The following NTNG2 variants were observed in gnomAD, a reference collection of about 807,000 sequenced individuals.
The protein encoded by NTNG2 is netrin-G2.
Under a neutral mutation model 47.6 loss-of-function variants are expected in NTNG2, and 15 were observed. The ratio of observed to expected loss-of-function variants is 0.32; its 90% CI spans 0.21 to 0.49. The LOEUF (loss-of-function observed/expected upper bound fraction) is 0.49, where lower values mean the gene tolerates loss of function less well. Ranked by LOEUF, NTNG2 falls within the 20% of genes least tolerant of loss-of-function variation. The probability of loss-of-function intolerance (pLI) is 0.99; values close to 1 mark genes in which losing one functional copy is unlikely to be tolerated. For synonymous variants in NTNG2, 307 were observed against 324.6 expected (o/e 0.95, Z 0.58); for missense variants, 578 against 764.6 (o/e 0.76, Z 2.88).
intron 2 of NTNG2, among the ~76,000 whole-genome samples, chr9:132,169,394 G>A (rs1835729419): frequency 6.6e-6 from 1 of 152,218 alleles, no homozygotes; most frequent in Non-Finnish European, 1.5e-5. Context: ...GGTGGTTTTT[G>A]GAGGGGGTGG....
At position 132,236,131 on chromosome 9, in the gene NTNG2, G is replaced by T. The variant is rs888353145; in HGVS notation, c.1055-2973G>T. Among the ~76,000 whole-genome samples, 2 of 152,242 alleles carry T rather than the reference G, an allele frequency of 1.3e-5. No homozygotes were observed. The highest frequency in any genetic ancestry group is 4.8e-5 in the African/African-American group (2 of 41,458). ...GCAGTTGCTGGATCAGAGAGTCAGA[G>T]GGGGCTTCCTGCAGGAGCGGGGGCC... On this transcript the variant is annotated intron_variant, in intron 5 of 7. Coordinates refer to ENST00000393229, the MANE Select transcript of NTNG2 (RefSeq NM_032536.4). The surrounding 1 kb of genome is among the most constrained non-coding windows in gnomAD (Gnocchi z 4.3).
Position 132,196,029 on chromosome 9 carries a change from C to T in NTNG2, c.214-1937C>T, listed in dbSNP as rs569228555. 2.6e-5 allele frequency among the ~76,000 whole-genome samples: 4 copies of T among 152,202 alleles called. No individual in the cohort carries two copies. In the South Asian group the frequency reaches 8.3e-4, roughly 32 times the overall value. ...CAAGTGACCCTCCTGCCTCGGCCTC[C>T]CGGAGTGTTGGAATTCCAGGTGTGA... is the stretch of plus-strand genomic sequence containing the variant. On this transcript the variant is annotated intron_variant, in intron 2 of 7. Transcript: ENST00000393229.
rs952646632 is a variant in NTNG2, at chr9:132,208,361, G to A, written c.857+9752G>A. ...CAGATCACGCCAGCCCTGCAGCCCC[G>A]GGAGGAAGTTGGTTTTGGTTGAAGT... On this transcript the variant is annotated intron_variant, in intron 3 of 7. Coordinates refer to ENST00000393229, the MANE Select transcript of NTNG2 (RefSeq NM_032536.4). This position sits in a 1 kb window ranked among gnomAD's most constrained non-coding sequence, Gnocchi z 4.0. Among the ~76,000 whole-genome samples the A allele has an allele frequency of 1.3e-5, 2 of 152,138 alleles. No homozygotes were observed. Among genetic ancestry groups the A allele is most frequent in the Non-Finnish European group, 2.9e-5 (2 of 68,018 alleles).
At position 132,162,142 on chromosome 9, in the gene NTNG2, C is replaced by G. The variant is rs972214729; in HGVS notation, c.-581C>G. On this transcript the variant is annotated 5_prime_UTR_variant, in exon 1 of 8. Coordinates refer to ENST00000393229, the MANE Select transcript of NTNG2 (RefSeq NM_032536.4). This position sits in a 1 kb window ranked among gnomAD's most constrained non-coding sequence, Gnocchi z 4.6. Reference sequence around the variant, plus strand: ...CGGCTCGCAGCCCTCGGCCCGCGCCCCCACCCAGCGCCAGCCCGAGGGGGG... The same window carrying G: ...CGGCTCGCAGCCCTCGGCCCGCGCCGCCACCCAGCGCCAGCCCGAGGGGGG... 6.6e-6 allele frequency: 1 copy of G among 152,094 alleles called. No individual in the cohort carries two copies. Among genetic ancestry groups the G allele is most frequent in the Admixed American group, 6.6e-5 (1 of 15,206 alleles). 9.4% of individuals were successfully genotyped at this position (152,094 alleles called of 1,614,324 possible).
At chr9:132,223,851 G>A (rs1024183077) in intron 3 of NTNG2, among the ~76,000 whole-genome samples, 9 of 152,130 alleles carry the variant, frequency 5.9e-5, no homozygotes, top group Admixed American at 2.6e-4. Flanking sequence ...AGCAGGACAC[G>A]CCTAACCAGT....
chr9:132,220,642 CG>C (rs1840291353), intron 3 of NTNG2, among the ~76,000 whole-genome samples: 2 of 152,030 alleles, frequency 1.3e-5, no homozygotes, highest in South Asian at 4.1e-4. Context: ...TTAGTAGAGA[CG>C]GGGTTTCACC....
At chr9:132,214,685 G>T (rs1839844956) in intron 3 of NTNG2, among the ~76,000 whole-genome samples, 1 of 152,092 alleles carries the variant, frequency 6.6e-6, no homozygotes, top group Admixed American at 6.5e-5. Flanking sequence ...GAGCAGAGGG[G>T]CCAGACAGCC....
chr9:132,168,858 A>G (rs1835686452), intron 2 of NTNG2, among the ~76,000 whole-genome samples: 1 of 152,200 alleles, frequency 6.6e-6, no homozygotes, highest in African/African-American at 2.4e-5. Context: ...TCATAATTCT[A>G]GGACCAGCTT....
chr9:132,209,429 G>A (rs1839419190), intron 3 of NTNG2, among the ~76,000 whole-genome samples: 1 of 152,240 alleles, frequency 6.6e-6, no homozygotes, highest in South Asian at 2.1e-4. Context: ...CCGCCGTGGG[G>A]GCGTGCGAGA....
chr9:132,239,647 G>A (rs952049217), intron 6 of NTNG2, among the ~76,000 whole-genome samples: 3 of 152,144 alleles, frequency 2.0e-5, no homozygotes, highest in African/African-American at 7.2e-5. Context: ...GTGTGGGGGG[G>A]TCCCCCTCCA....
rs1554775835 is a variant in NTNG2, at chr9:132,162,555, T to TGAGAGAGAGAGA, written c.-484+326_-484+327insGAGAGAGAGAGA. Among the ~76,000 whole-genome samples the TGAGAGAGAGAGA allele has an allele frequency of 2.2e-5, 3 of 139,374 alleles. No individual in the cohort carries two copies. Among genetic ancestry groups the TGAGAGAGAGAGA allele is most frequent in the African/African-American group, 5.4e-5 (2 of 36,752 alleles). 91.4% of individuals were successfully genotyped at this position (139,374 alleles called of 152,430 possible). ...GTGAGAGTGTGTGTGTGTGTGTGTG[T>TGAGAGAGAGAGA]GAGAGAGAGACAGAGTGTGTGTGTG... On this transcript the variant is annotated intron_variant, in intron 1 of 7. Coordinates refer to ENST00000393229, the MANE Select transcript of NTNG2 (RefSeq NM_032536.4). The surrounding 1 kb of genome is among the most constrained non-coding windows in gnomAD (Gnocchi z 4.6).
intron 5 of NTNG2, chr9:132,232,600 G>T (rs542330020): frequency 1.3e-5 from 2 of 152,376 alleles, no homozygotes; most frequent in African/African-American, 2.4e-5. Flanking sequence ...GGGTCTGAAA[G>T]GATTTATCCT....
rs1020584441 is a variant in NTNG2, at chr9:132,215,643, A to C, written c.858-11206A>C. Among the ~76,000 whole-genome samples, 1 of 152,184 alleles carries C rather than the reference A, an allele frequency of 6.6e-6. No individual in the cohort carries two copies. The highest frequency in any genetic ancestry group is 1.5e-5 in the Non-Finnish European group (1 of 68,014). ...ATGTTACTGAATCCTCCAAGAGGCC[A>C]GGGGGTGTGTCACCTCTTGGGGCGC... On this transcript the variant is annotated intron_variant, in intron 3 of 7. Transcript: ENST00000393229. The surrounding 1 kb of genome is among the most constrained non-coding windows in gnomAD (Gnocchi z 4.2).
intron 3 of NTNG2, among the ~76,000 whole-genome samples, chr9:132,200,960 A>G (rs888746450): frequency 6.6e-6 from 1 of 152,244 alleles, no homozygotes; most frequent in Non-Finnish European, 1.5e-5. Context: ...CTGCAGTCCC[A>G]CTGGGCTTAG....
At position 132,226,573 on chromosome 9, in the gene NTNG2, C is replaced by A. The variant is rs187332456; in HGVS notation, c.858-276C>A. Among the ~76,000 whole-genome samples the A allele has an allele frequency of 1.1e-4, 16 of 152,244 alleles. No homozygotes were observed. The highest frequency in any genetic ancestry group is 3.4e-4 in the African/African-American group (14 of 41,464). Reference sequence around the variant, plus strand: ...AAGGCAGTATCATCACTCTCCCCAACTGAGATGTGAGGAATCCTTGAAACC... The same window carrying A: ...AAGGCAGTATCATCACTCTCCCCAAATGAGATGTGAGGAATCCTTGAAACC... On this transcript the variant is annotated intron_variant, in intron 3 of 7. Transcript: ENST00000393229. This position sits in a 1 kb window ranked among gnomAD's most constrained non-coding sequence, Gnocchi z 4.8.
intron 3 of NTNG2, among the ~76,000 whole-genome samples, chr9:132,202,899 C>A (rs1336339070): frequency 1.3e-5 from 2 of 152,142 alleles, no homozygotes; most frequent in Non-Finnish European, 2.9e-5. Context: ...ATGACTGTAA[C>A]CTGTTGGAAC....
At position 132,243,621 on chromosome 9, in the gene NTNG2, C is replaced by A. The variant is rs986289435; in HGVS notation, c.*1510C>A. ...TCCTGGTTGCTAACTGCTGCCACTGCTCCACCTGCAGGTGCTCCCAGCACT... is the reference window on the plus strand; with the variant it reads ...TCCTGGTTGCTAACTGCTGCCACTGATCCACCTGCAGGTGCTCCCAGCACT... On this transcript the variant is annotated 3_prime_UTR_variant, in exon 8 of 8. Transcript: ENST00000393229. 2.0e-5 allele frequency: 3 copies of A among 152,444 alleles called. No homozygotes were observed. In the South Asian group the frequency reaches 6.2e-4, roughly 32 times the overall value. 9.4% of individuals were successfully genotyped at this position (152,444 alleles called of 1,614,324 possible).
At chr9:132,170,017 C>G (rs886265118) in intron 2 of NTNG2, among the ~76,000 whole-genome samples, 1 of 152,224 alleles carries the variant, frequency 6.6e-6, no homozygotes, top group Admixed American at 6.5e-5. Context: ...CCCACTGCCC[C>G]CTTAGCCTTG....
At chr9:132,223,790 A>G (rs1840526850) in intron 3 of NTNG2, among the ~76,000 whole-genome samples, 1 of 152,158 alleles carries the variant, frequency 6.6e-6, no homozygotes, top group South Asian at 2.1e-4. Context: ...TTTGTCTCCC[A>G]GACAAACCAG....
Sources: gnomAD v4.1 joint callset for allele counts (sites outside exome capture counted in the v4.1 genomes callset) on GRCh38, gnomAD v4.1.1 for gene constraint, Gnocchi (gnomAD v3.1) non-coding constraint, MANE v1.5 for transcripts, NCBI Gene and HGNC (gene_info 2026-07-23, HGNC 2026-07-21) for gene names.